MUC6: variants seen among roughly 807,000 people sequenced by gnomAD.
The protein encoded by MUC6 is mucin-6.
A neutral mutation model predicts 201.5 loss-of-function variants in MUC6; 188 were observed. The observed-to-expected ratio is 0.93, with a 90% CI of 0.83 to 1.05. The LOEUF (loss-of-function observed/expected upper bound fraction) is 1.05, where lower values mean the gene tolerates loss of function less well. MUC6 is among the 50% of genes least tolerant of loss of function. MUC6 has a pLI of 0.00. For missense variants in MUC6, 2,706 were observed against 3,256.9 expected, an observed-to-expected ratio of 0.83 and a Z score of 4.12; for synonymous variants, 1,228 against 1,389.4, an observed-to-expected ratio of 0.88 and a Z score of 2.58.
At chr11:1,018,957 C>T (rs1023504459) in intron 30 of MUC6, among the ~76,000 whole-genome samples, 187 bp from the exon 31 acceptor site, 2 of 152,212 alleles carry the variant, frequency 1.3e-5, no homozygotes, top group Admixed American at 6.5e-5. Flanking sequence ...GCTCCACATC[C>T]TGCCCTGAGC....
At chr11:1,035,355 G>T (rs1857193875) in intron 1 of MUC6, among the ~76,000 whole-genome samples, 1 of 152,208 alleles carries the variant, frequency 6.6e-6, no homozygotes, top group Non-Finnish European at 1.5e-5. Context: ...GCACTCTGCT[G>T]CAAGTTTAGC....
At position 1,027,258 on chromosome 11, in the gene MUC6, G is replaced by C. The variant is rs372387680; in HGVS notation, c.2231+10C>G. 7.3e-5 allele frequency: 117 copies of C among 1,611,866 alleles called. No individual in the cohort carries two copies. The highest frequency in any genetic ancestry group is 9.4e-5 in the Non-Finnish European group (111 of 1,179,714). ...GGGACCCCCCGCCTGGCCCCTGCCCGGTCCCTCACCAGGTGATGCCGTTGA... is the reference window on the plus strand; with the variant it reads ...GGGACCCCCCGCCTGGCCCCTGCCCCGTCCCTCACCAGGTGATGCCGTTGA... On this transcript the variant is annotated intron_variant, in intron 17 of 32. Coordinates refer to ENST00000421673, the MANE Select transcript of MUC6 (RefSeq NM_005961.3).
chr11:1,019,897 T>A (rs377748564), intron 29 of MUC6, 193 bp downstream of exon 29: 32 of 780,030 alleles, frequency 4.1e-5, no homozygotes, highest in Non-Finnish European at 6.5e-5. Flanking sequence ...CCCCATGCCA[T>A]GACCAGCTTG....
chr11:1,020,084 C>T lies in MUC6; in HGVS notation c.3808+6G>A, dbSNP rs748864757. 6 of 1,613,206 alleles carry T rather than the reference C, an allele frequency of 3.7e-6. No homozygotes were observed. Among genetic ancestry groups the T allele is most frequent in the South Asian group, 2.2e-5 (2 of 90,934 alleles). ...CTCTCCATGGGCTCAGCTGGAGGCTCCTTACCTCCCGAGGAGGCTGTGGGC... is the reference window on the plus strand; with the variant it reads ...CTCTCCATGGGCTCAGCTGGAGGCTTCTTACCTCCCGAGGAGGCTGTGGGC... On this transcript the variant is annotated splice_donor_region_variant and intron_variant, in intron 29 of 32. Transcript: ENST00000421673.
chr11:1,025,509 G>T, intron 22 of MUC6, 142 bp from the exon 23 acceptor site: 1 of 1,021,408 alleles, frequency 9.8e-7, no homozygotes, highest in Non-Finnish European at 1.4e-6. Flanking sequence ...GCCAGCTTGG[G>T]GCAGAAGGGC....
At chr11:1,031,124 A>G in intron 5 of MUC6, 45 bp downstream of exon 5, 1 of 138,064 alleles carries the variant, frequency 7.2e-6, no homozygotes, top group Non-Finnish European at 9.5e-6. Context: ...CCTGCCCCCC[A>G]CCTAGAGGCC....
chr11:1,032,353 ATG>A (rs1857126944), intron 2 of MUC6, among the ~76,000 whole-genome samples: 1 of 151,450 alleles, frequency 6.6e-6, no homozygotes, highest in African/African-American at 2.4e-5. Flanking sequence ...AGGTGTGTCC[ATG>A]TGTGCATTGT....
chr11:1,020,361 G>A, intron 28 of MUC6, 104 bp from the exon 29 acceptor site: 2 of 1,404,536 alleles, frequency 1.4e-6, no homozygotes, highest in South Asian at 1.4e-5. Context: ...GCCCTGCAGG[G>A]GCCAATGATG....
At chr11:1,031,300 C>G (rs1431579508) in intron 4 of MUC6, 41 bp from the exon 5 acceptor site, 1 of 1,530,434 alleles carries the variant, frequency 6.5e-7, no homozygotes, top group Admixed American at 2.0e-5. Flanking sequence ...GGGCCAGGGG[C>G]CCCCTCATCT....
At chr11:1,015,002 A>C (rs1342557093) in intron 31 of MUC6, among the ~76,000 whole-genome samples, 1 of 152,202 alleles carries the variant, frequency 6.6e-6, no homozygotes, top group Non-Finnish European at 1.5e-5. Context: ...AGAGACCACG[A>C]AGGCAACTGT....
chr11:1,027,608 C>CA, intron 16 of MUC6, 77 bp downstream of exon 16: 1 of 1,586,290 alleles, frequency 6.3e-7, no homozygotes, highest in East Asian at 2.3e-5. Flanking sequence ...TGCAGAGCCT[C>CA]AGAGCTTGGG....
Position 1,014,037 on chromosome 11 carries a change from T to C in MUC6, c.7040-36A>G, listed in dbSNP as rs1481860220. 5.8e-6 allele frequency: 9 copies of C among 1,555,614 alleles called. No individual in the cohort carries two copies. In the South Asian group the frequency reaches 1.1e-4, roughly 18 times the overall value. ...AGTGGACGGTCAGCAGCGCCCAGGG[T>C]GGGCATGGAGCGAGGAGGGAGGGAA... On this transcript the variant is annotated intron_variant, in intron 31 of 32. Coordinates refer to ENST00000421673, the MANE Select transcript of MUC6 (RefSeq NM_005961.3).
intron 24 of MUC6, among the ~76,000 whole-genome samples, chr11:1,024,440 G>A (rs1264068540): frequency 6.6e-6 from 1 of 152,176 alleles, no homozygotes; most frequent in East Asian, 1.9e-4. Context: ...CTGTTCCCCC[G>A]CGGGGTGCCC....
chr11:1,029,719 C>T lies in MUC6; in HGVS notation c.1016-104G>A, dbSNP rs143699742. The T allele has an allele frequency of 4.0e-3, 5,721 of 1,421,096 alleles. 224 individuals are homozygous for T. In the African/African-American group the frequency reaches 0.074, roughly 18 times the overall value. The allele number at this position is 1,421,096 out of a possible 1,614,324, so 88.0% of individuals were successfully genotyped here. ...CCCCTCCAGCCTGGCTCCAGGGAGA[C>T]GCCCCCTCCAGCCTGGCTCCAGGGA... On this transcript the variant is annotated intron_variant, in intron 8 of 32. Transcript: ENST00000421673.
At chr11:1,031,534 C>T in intron 4 of MUC6, 73 bp downstream of exon 4, 1 of 1,520,328 alleles carries the variant, frequency 6.6e-7, no homozygotes, top group African/African-American at 1.4e-5. Context: ...CCAAGGAGGG[C>T]AGCCCCTCCC....
At chr11:1,035,895 C>T (rs536839737) in intron 1 of MUC6, among the ~76,000 whole-genome samples, 3 of 152,164 alleles carry the variant, frequency 2.0e-5, no homozygotes, top group African/African-American at 7.2e-5. Context: ...TCTCAGGCTG[C>T]GGCCACAGAG....
rs370034972 is a variant in MUC6 at position 1,028,403 on chromosome 11, G to A, written c.1592-16C>T. 31 of 1,609,410 alleles carry A rather than the reference G, an allele frequency of 1.9e-5. No individual in the cohort carries two copies. The highest frequency in any genetic ancestry group is 1.8e-4 in the East Asian group (8 of 44,836). ...CCGCAGAGCCCTGAGCCGGCGGGGC[G>A]TGAGCTCGACTTGAACCCATCCCTC... On this transcript the variant is annotated splice_polypyrimidine_tract_variant and intron_variant, in intron 13 of 32. Coordinates refer to ENST00000421673, the MANE Select transcript of MUC6 (RefSeq NM_005961.3).
chr11:1,028,260 A>C lies in MUC6; in HGVS notation c.1719T>G (p.Arg573=), dbSNP rs1336570943. 6.3e-7 allele frequency: 1 copy of C among 1,593,264 alleles called. No homozygotes were observed. The highest frequency in any genetic ancestry group is 2.3e-5 in the East Asian group (1 of 43,574). Residue 573 remains arginine, a synonymous_variant, in exon 14 of 33, where the codon CGT becomes CGG. Coordinates refer to ENST00000421673, the MANE Select transcript of MUC6 (RefSeq NM_005961.3). ...RAGNCPAALE[R]ETDPCSMSQL... ...GGCTCATGGAGCAGGGGTCAGTCTC[A>C]CGCTCCAGAGCGGCCGGACAGTTCC...
chr11:1,029,790 G>A (rs1049519579), intron 8 of MUC6, among the ~76,000 whole-genome samples, 175 bp from the exon 9 acceptor site: 2 of 152,112 alleles, frequency 1.3e-5, no homozygotes, highest in African/African-American at 4.8e-5. Flanking sequence ...CTCTAGCCTG[G>A]GCCATGACCT....
Sources: gnomAD v4.1 joint callset for allele counts (sites outside exome capture counted in the v4.1 genomes callset) on GRCh38, gnomAD v4.1.1 for gene constraint, MANE v1.5 for transcripts, NCBI Gene and HGNC (gene_info 2026-07-23, HGNC 2026-07-21) for gene names.